GAREM1: variants seen among roughly 807,000 people sequenced by gnomAD.
The protein encoded by GAREM1 is GRB2-associated and regulator of MAPK protein 1.
A neutral mutation model predicts 71.3 loss-of-function variants in GAREM1; 26 were observed. The observed-to-expected ratio is 0.36, with a 90% confidence interval of 0.27 to 0.51. GAREM1 has a LOEUF of 0.51. GAREM1 is among the 20% of genes least tolerant of loss of function. The pLI is 0.95. For synonymous variants in GAREM1, 440 were observed against 433.2 expected (o/e 1.02, Z -0.20); for missense variants, 1,026 against 1,103.1 (o/e 0.93, Z 0.99).
At position 32,434,489 on chromosome 18, in the gene GAREM1, T is replaced by A. The variant is rs187123407; in HGVS notation, c.121+35819A>T. On this transcript the variant is annotated intron_variant, in intron 1 of 5. Transcript: ENST00000269209. ...GTCAGAAAGTAAGAAAATACTTTTT[T>A]AAAAAAGATGGGGGCACACTGAAGG... Among the ~76,000 whole-genome samples the A allele has an allele frequency of 7.5e-4, 114 of 152,066 alleles. No individual in the cohort carries two copies. In the East Asian group the frequency reaches 0.018, roughly 24 times the overall value.
At chr18:32,378,059 C>T (rs80007403) in intron 2 of GAREM1, among the ~76,000 whole-genome samples, 6,021 of 111,940 alleles carry the variant, frequency 0.054, 343 homozygotes, top group African/African-American at 0.18. Context: ...TGTGTGTGTG[C>T]GCGCGGGCGC....
intron 2 of GAREM1, among the ~76,000 whole-genome samples, chr18:32,363,082 T>A (rs918248615): frequency 9.9e-5 from 15 of 152,186 alleles, no homozygotes; most frequent in Non-Finnish European, 1.8e-4. Flanking sequence ...AGGGGTTTAG[T>A]TTTGAATCCA....
At chr18:32,458,086 G>A (rs756961072) in intron 1 of GAREM1, among the ~76,000 whole-genome samples, 30 of 152,102 alleles carry the variant, frequency 2.0e-4, no homozygotes, top group Admixed American at 1.6e-3. Context: ...AACAGACTCT[G>A]AAGTTGTGTC....
intron 1 of GAREM1, among the ~76,000 whole-genome samples, chr18:32,395,877 C>T (rs2048249614): frequency 6.6e-6 from 1 of 152,174 alleles, no homozygotes; most frequent in South Asian, 2.1e-4. Context: ...CAAGTGGGTC[C>T]CTGACCCCCA....
At chr18:32,269,070 A>C (rs968982914) in intron 5 of GAREM1, among the ~76,000 whole-genome samples, 2 of 152,238 alleles carry the variant, frequency 1.3e-5, no homozygotes, top group African/African-American at 2.4e-5. Context: ...TTATTAAGTC[A>C]CGTGTAGGCT....
chr18:32,356,868 A>C (rs2047811455), intron 2 of GAREM1, among the ~76,000 whole-genome samples: 1 of 152,176 alleles, frequency 6.6e-6, no homozygotes, highest in African/African-American at 2.4e-5. Context: ...CAGGACTTCA[A>C]GTTCTGCTGT....
intron 1 of GAREM1, among the ~76,000 whole-genome samples, chr18:32,468,078 C>T (rs978546630): frequency 1.3e-5 from 2 of 152,146 alleles, no homozygotes; most frequent in African/African-American, 4.8e-5. Flanking sequence ...ACAATGCTCA[C>T]GTTGGTGTAA....
chr18:32,390,037 G>T (rs2048181559), intron 2 of GAREM1, among the ~76,000 whole-genome samples: 1 of 152,118 alleles, frequency 6.6e-6, no homozygotes, highest in African/African-American at 2.4e-5. Flanking sequence ...CGTAGTGCCA[G>T]GTACAAGCCT....
At chr18:32,450,150 T>C (rs556407564) in intron 1 of GAREM1, among the ~76,000 whole-genome samples, 10 of 152,298 alleles carry the variant, frequency 6.6e-5, no homozygotes, top group African/African-American at 2.4e-4. Flanking sequence ...TTTAAAGATA[T>C]TCTAATATTC....
intron 2 of GAREM1, among the ~76,000 whole-genome samples, chr18:32,364,838 G>T (rs143483909): frequency 1.3e-5 from 2 of 151,746 alleles, no homozygotes; most frequent in African/African-American, 4.8e-5. Flanking sequence ...TTTTAAATAC[G>T]AGAATGTACC....
At chr18:32,402,226 G>C (rs537187888) in intron 1 of GAREM1, among the ~76,000 whole-genome samples, 41 of 152,196 alleles carry the variant, frequency 2.7e-4, no homozygotes, top group African/African-American at 9.9e-4. Flanking sequence ...AGAAGTGCAT[G>C]TTAAATTCCA....
In GAREM1 at chr18:32,350,978, C is replaced by A. The variant is rs144378810; in HGVS notation, c.263-40655G>T. 4.2e-3 allele frequency among the ~76,000 whole-genome samples: 645 copies of A among 152,128 alleles called. 6 individuals are homozygous for A. Among genetic ancestry groups the A allele is most frequent in the African/African-American group, 0.015 (620 of 41,528 alleles). The stretch of plus-strand genomic sequence containing the variant: ...TAATTAGGAAGAGTACAAATACTGG[C>A]AAAATGTTATGTAGAAAAAGTTGAC... On this transcript the variant is annotated intron_variant, in intron 2 of 5. Coordinates refer to ENST00000269209, the MANE Select transcript of GAREM1 (RefSeq NM_001242409.2).
intron 1 of GAREM1, among the ~76,000 whole-genome samples, chr18:32,457,102 G>A (rs994772050): frequency 6.7e-6 from 1 of 149,112 alleles, no homozygotes; most frequent in African/African-American, 2.5e-5. Flanking sequence ...GGAGGAATGG[G>A]GTCTGTCATG....
chr18:32,300,396 C>G (rs1200415568), intron 3 of GAREM1, among the ~76,000 whole-genome samples: 1 of 152,018 alleles, frequency 6.6e-6, no homozygotes, highest in African/African-American at 2.4e-5. Context: ...AATAAAAAAC[C>G]CTGAAGAATA....
At chr18:32,398,634 G>A (rs956764126) in intron 1 of GAREM1, among the ~76,000 whole-genome samples, 1 of 152,072 alleles carries the variant, frequency 6.6e-6, no homozygotes, top group African/African-American at 2.4e-5. Context: ...TTGAATCCCT[G>A]AATAGACCAA....
chr18:32,332,395 G>A (rs943799454), intron 2 of GAREM1, among the ~76,000 whole-genome samples: 2 of 151,822 alleles, frequency 1.3e-5, no homozygotes, highest in African/African-American at 4.8e-5. Context: ...TCACATGGGG[G>A]GGTTGGAGAT....
chr18:32,470,844 G>T lies in GAREM1; in HGVS notation c.-416C>A, dbSNP rs1252159420. 6.6e-6 allele frequency among the ~76,000 whole-genome samples: 1 copy of T among 150,466 alleles called. No homozygotes were observed. The highest frequency in any genetic ancestry group is 1.5e-5 in the Non-Finnish European group (1 of 67,440). On this transcript the variant is annotated 5_prime_UTR_variant, in exon 1 of 6. Coordinates refer to ENST00000269209, the MANE Select transcript of GAREM1 (RefSeq NM_001242409.2). This position sits in a 1 kb window ranked among gnomAD's most constrained non-coding sequence, Gnocchi z 4.4. The stretch of plus-strand genomic sequence containing the variant: ...CTCGAGCGTGTGAGGAGGAGCCGCG[G>T]GTCTGAGAAACGCCATAGCAGCGCT...
Position 32,270,367 on chromosome 18 carries a change from CG to C in GAREM1, c.1582del (p.Arg528GlyfsTer3). The C allele has an allele frequency of 6.2e-7, 1 of 1,612,754 alleles. No individual in the cohort carries two copies. Among genetic ancestry groups the C allele is most frequent in the Non-Finnish European group, 8.5e-7 (1 of 1,179,624 alleles). Reference protein sequence around the residue: ...PKSEAVREECRLLNAPPVPPR... With the variant: ...PKSEAVREECXLLNAPPVPPR... ...TGGAACAGGTGGGGCGTTCAGGAGC[CG>C]GCATTCTTCTCTGACCTGGCGCAGA... On this transcript the variant is annotated frameshift_variant, in exon 5 of 6. Coordinates refer to ENST00000269209, the MANE Select transcript of GAREM1 (RefSeq NM_001242409.2). LOFTEE classifies it high-confidence loss of function.
chr18:32,428,847 G>T (rs574921044), intron 1 of GAREM1, among the ~76,000 whole-genome samples: 1 of 151,956 alleles, frequency 6.6e-6, no homozygotes, highest in Non-Finnish European at 1.5e-5. Context: ...CCATCTTTTC[G>T]GTTCCTTGTT....
Sources: allele counts gnomAD v4.1 joint callset (sites outside exome capture counted in the v4.1 genomes callset), GRCh38; gene constraint gnomAD v4.1.1; non-coding constraint Gnocchi (gnomAD v3.1); transcripts MANE v1.5; gene names NCBI Gene and HGNC (gene_info 2026-07-23, HGNC 2026-07-21).